Variants in ZNF365 observed in about 807,000 individuals in gnomAD.
The protein encoded by ZNF365 is protein ZNF365.
In ZNF365, 22 loss-of-function variants were observed where a neutral mutation model predicts 35.0. The observed-to-expected ratio is 0.63, with a 90% CI of 0.45 to 0.90. ZNF365 has a LOEUF of 0.90. ZNF365 is among the 40% of genes least tolerant of loss of function. The pLI is 0.00. For synonymous variants in ZNF365, 188 were observed against 196.2 expected (o/e 0.96, Z 0.35); for missense variants, 448 against 500.3 (o/e 0.90, Z 1.00).
intron 3 of ZNF365, among the ~76,000 whole-genome samples, chr10:62,409,099 T>C (rs1351320271): frequency 1.3e-5 from 2 of 152,154 alleles, no homozygotes; most frequent in African/African-American, 4.8e-5. Flanking sequence ...TTTCCTAGCT[T>C]TTCCTGAAAC....
At chr10:62,456,412 T>C (rs964837628) in intron 3 of ZNF365, among the ~76,000 whole-genome samples, 1 of 152,200 alleles carries the variant, frequency 6.6e-6, no homozygotes, top group Non-Finnish European at 1.5e-5. Context: ...GATGAGAAAT[T>C]ATTTTGTGTA....
chr10:62,474,201 T>C (rs1841090504), intron 4 of ZNF365, among the ~76,000 whole-genome samples: 1 of 152,196 alleles, frequency 6.6e-6, no homozygotes, highest in African/African-American at 2.4e-5. Flanking sequence ...AAGAACCCCA[T>C]GATCATGGCT....
intron 3 of ZNF365, among the ~76,000 whole-genome samples, chr10:62,422,497 C>A (rs1840185250): frequency 6.6e-6 from 1 of 152,066 alleles, no homozygotes; most frequent in Admixed American, 6.5e-5. Context: ...GCTGTGAAAA[C>A]CACTCCACTA....
chr10:62,472,795 G>C (rs1411615291), intron 4 of ZNF365, among the ~76,000 whole-genome samples: 1 of 152,124 alleles, frequency 6.6e-6, no homozygotes, highest in Non-Finnish European at 1.5e-5. Flanking sequence ...TACATTTCTA[G>C]AAGAAATTTA....
At chr10:62,420,795 T>A (rs1179802392) in intron 3 of ZNF365, among the ~76,000 whole-genome samples, 7 of 143,316 alleles carry the variant, frequency 4.9e-5, no homozygotes, top group Non-Finnish European at 7.7e-5. Flanking sequence ...TTTTTTTTTT[T>A]ATTGAGTCAG....
intron 3 of ZNF365, among the ~76,000 whole-genome samples, chr10:62,448,747 T>C (rs1840630785): frequency 6.6e-6 from 1 of 152,138 alleles, no homozygotes; most frequent in African/African-American, 2.4e-5. Context: ...CTCACCTAGG[T>C]CCTAGCTATG....
intron 3 of ZNF365, among the ~76,000 whole-genome samples, chr10:62,431,650 A>G (rs911172529): frequency 6.6e-6 from 1 of 152,170 alleles, no homozygotes; most frequent in African/African-American, 2.4e-5. Flanking sequence ...ATGAGCCTCT[A>G]GGCAAAAGGG....
chr10:62,445,790 A>C (rs1840577402), intron 3 of ZNF365, among the ~76,000 whole-genome samples: 1 of 152,152 alleles, frequency 6.6e-6, no homozygotes, highest in Non-Finnish European at 1.5e-5. Flanking sequence ...TCAAAGTGGA[A>C]ATCTGATATT....
At chr10:62,393,725 G>T (rs1839674370) in intron 3 of ZNF365, among the ~76,000 whole-genome samples, 1 of 152,114 alleles carries the variant, frequency 6.6e-6, no homozygotes, top group Admixed American at 6.5e-5. Context: ...AATATGATAT[G>T]ATCAACCTTC....
At chr10:62,437,919 G>A (rs1487883138) in intron 3 of ZNF365, among the ~76,000 whole-genome samples, 1 of 152,132 alleles carries the variant, frequency 6.6e-6, no homozygotes, top group African/African-American at 2.4e-5. Context: ...GGTTTGATGA[G>A]TTTTATTTGC....
At chr10:62,465,148 C>T (rs992996077) in intron 4 of ZNF365, among the ~76,000 whole-genome samples, 7 of 152,212 alleles carry the variant, frequency 4.6e-5, no homozygotes, top group East Asian at 1.9e-4. Context: ...GTCCTGCTCC[C>T]GGAGCCCACT....
intron 3 of ZNF365, 143 bp downstream of exon 3, chr10:62,388,719 G>A: frequency 9.5e-7 from 1 of 1,047,348 alleles, no homozygotes; most frequent in Non-Finnish European, 1.3e-6. Flanking sequence ...TGCCTGTATT[G>A]TGGAAATGTT....
chr10:62,450,108 A>AT (rs1277365169), intron 3 of ZNF365, among the ~76,000 whole-genome samples: 2 of 152,118 alleles, frequency 1.3e-5, no homozygotes, highest in African/African-American at 4.8e-5. Context: ...CCCCAACTCC[A>AT]TTAAAAAAAA....
chr10:62,480,061 G>A, exon 5 of ZNF365: 1 of 1,374,164 alleles, frequency 7.3e-7, no homozygotes, highest in Non-Finnish European at 9.6e-7. Flanking sequence ...TACTCACCAG[G>A]AGTGGGTTCA....
chr10:62,439,495 G>A (rs1232220289), intron 3 of ZNF365, among the ~76,000 whole-genome samples: 1 of 152,024 alleles, frequency 6.6e-6, no homozygotes, highest in Non-Finnish European at 1.5e-5. Flanking sequence ...GAAGCATAGG[G>A]GAAATACACT....
chr10:62,436,159 T>C (rs529702416), intron 3 of ZNF365, among the ~76,000 whole-genome samples: 2 of 152,266 alleles, frequency 1.3e-5, no homozygotes, highest in African/African-American at 4.8e-5. Context: ...GCCACCACCA[T>C]CTAATGTATT....
At chr10:62,429,533 G>A (rs1307168420) in intron 3 of ZNF365, among the ~76,000 whole-genome samples, 1 of 152,284 alleles carries the variant, frequency 6.6e-6, no homozygotes, top group Non-Finnish European at 1.5e-5. Context: ...TGAGATTGGG[G>A]GCAGGAGGAG....
chr10:62,401,660 AT>A lies in ZNF365; in HGVS notation c.*1873del, dbSNP rs1839831614. ...ATTTATTATTGATGCTTATACCATG[AT>A]TGCACCTTAGCCTTTTACATACTAA... On this transcript the variant is annotated 3_prime_UTR_variant, in exon 5 of 5. Coordinates refer to ENST00000395254, the MANE Select transcript of ZNF365 (RefSeq NM_014951.3). 1.0e-6 allele frequency: 1 copy of A among 985,526 alleles called. No individual in the cohort carries two copies. The allele number at this position is 985,526 out of a possible 1,614,324, so 61.0% of individuals were successfully genotyped here.
intron 4 of ZNF365, among the ~76,000 whole-genome samples, chr10:62,466,535 T>G (rs1357185070): frequency 6.6e-6 from 1 of 151,756 alleles, no homozygotes; most frequent in African/African-American, 2.4e-5. Context: ...CCAGCAGGAG[T>G]AAGCAAAACC....
Sources: allele counts gnomAD v4.1 joint callset (sites outside exome capture counted in the v4.1 genomes callset), GRCh38; gene constraint gnomAD v4.1.1; transcripts MANE v1.5; gene names NCBI Gene and HGNC (gene_info 2026-07-23, HGNC 2026-07-21).